Variants in SCLY observed in about 807,000 individuals in gnomAD.
The protein encoded by SCLY is putative selenocysteine lyase.
SCLY carries 38 observed loss-of-function variants against 50.1 expected under a neutral mutation model. That is an observed-to-expected ratio of 0.76 (90% CI 0.59 to 0.99). SCLY has a LOEUF of 0.99. Ranked by LOEUF, SCLY falls within the 50% of genes least tolerant of loss-of-function variation. The pLI is 0.00. For synonymous variants in SCLY, 243 were observed against 249.4 expected, an observed-to-expected ratio of 0.97 and a Z score of 0.24; for missense variants, 600 against 620.0, an observed-to-expected ratio of 0.97 and a Z score of 0.34.
At chr2:238,068,529 A>G (rs2065097649) in intron 3 of SCLY, among the ~76,000 whole-genome samples, 1 of 152,216 alleles carries the variant, frequency 6.6e-6, no homozygotes, top group Admixed American at 6.5e-5. Flanking sequence ...ATCCTGGGCA[A>G]GAGAGTGAGA....
chr2:238,086,847 C>G (rs1406252273), intron 7 of SCLY, among the ~76,000 whole-genome samples: 1 of 151,928 alleles, frequency 6.6e-6, no homozygotes, highest in East Asian at 1.9e-4. Flanking sequence ...TTGAGAAACC[C>G]CATCTCTACT....
intron 2 of SCLY, among the ~76,000 whole-genome samples, chr2:238,065,660 T>TTTTTTATTATTATTATTATTATTA (rs71402758): frequency 3.5e-5 from 5 of 143,514 alleles, no homozygotes; most frequent in South Asian, 2.2e-4. Flanking sequence ...AATATTTTAT[T>TTTTTTATTATTATTATTATTATTA]TTATTATTAT....
rs74342757 is a variant in SCLY, at chr2:238,086,624, C to T, written c.884+3270C>T. Among the ~76,000 whole-genome samples, 389 of 150,392 alleles carry T rather than the reference C, an allele frequency of 2.6e-3. 6 individuals are homozygous for T. The East Asian group carries it at 0.037, about 14-fold the overall frequency. On this transcript the variant is annotated intron_variant, in intron 7 of 11. Coordinates refer to ENST00000254663, the MANE Select transcript of SCLY (RefSeq NM_016510.7). ...AGGAGGCTGAGGGGGAAGGATCACTCGAGCCCAGAAGTTCGAGGCTGCAGT... is the reference window on the plus strand; with the variant it reads ...AGGAGGCTGAGGGGGAAGGATCACTTGAGCCCAGAAGTTCGAGGCTGCAGT...
intron 8 of SCLY, chr2:238,091,666 C>G (rs545301731): frequency 5.2e-6 from 1 of 190,640 alleles, no homozygotes; most frequent in East Asian, 1.4e-4. Context: ...CCTGCTTCTG[C>G]GACAGTAACC....
chr2:238,087,161 C>T (rs932556996), intron 7 of SCLY, among the ~76,000 whole-genome samples: 1 of 124,082 alleles, frequency 8.1e-6, no homozygotes, highest in Non-Finnish European at 1.7e-5. Flanking sequence ...CCTGTTTCTA[C>T]AAAAAAAAAA....
In SCLY at chr2:238,081,768, G is replaced by A. The variant is rs1007594480; in HGVS notation, c.544G>A (p.Ala182Thr). 13 of 1,614,060 alleles carry A rather than the reference G, an allele frequency of 8.1e-6. No homozygotes were observed. Among genetic ancestry groups the A allele is most frequent in the Admixed American group, 1.7e-5 (1 of 59,994 alleles). The change falls in exon 5 of 12, where the codon GCG becomes ACG. Residue 182 changes from alanine to threonine, a missense_variant. Physicochemically the swap from Ala to Thr is moderately conservative, Grantham distance 58. Transcript: ENST00000254663. ...GCAGGCAGAGGTGGACGACATCCTC[G>A]CGGCAGTCCGCCCGACCACACGCCT... ...SGQAEVDDIL[A>T]AVRPTTRLVT...
chr2:238,061,246 G>C, intron 1 of SCLY, 103 bp downstream of exon 1: 1 of 886,862 alleles, frequency 1.1e-6, no homozygotes, highest in Non-Finnish European at 1.8e-6. Context: ...GCTCTCGCGT[G>C]GGGCGTCCCG....
chr2:238,062,291 T>C (rs2065025622), intron 1 of SCLY, among the ~76,000 whole-genome samples: 2 of 152,102 alleles, frequency 1.3e-5, no homozygotes, highest in African/African-American at 4.8e-5. Flanking sequence ...AAAACAGATA[T>C]AAGGGCACAT....
chr2:238,065,755 A>C (rs2065065928), intron 2 of SCLY, among the ~76,000 whole-genome samples: 1 of 150,972 alleles, frequency 6.6e-6, no homozygotes, highest in Non-Finnish European at 1.5e-5. Context: ...GGTCAATGCA[A>C]CCTCCGCCTC....
At chr2:238,092,433 G>A (rs1559251383) in intron 8 of SCLY, 6 of 152,252 alleles carry the variant, frequency 3.9e-5, no homozygotes. Context: ...ATTGACCTGA[G>A]TGATGAAGTA....
intron 4 of SCLY, among the ~76,000 whole-genome samples, chr2:238,072,455 T>A (rs932301642): frequency 6.6e-6 from 1 of 152,236 alleles, no homozygotes; most frequent in Non-Finnish European, 1.5e-5. Context: ...CTGTTTAACC[T>A]TAAGCTTTGT....
At chr2:238,091,561 G>GT in intron 8 of SCLY, 43 of 302,554 alleles carry the variant, frequency 1.4e-4, no homozygotes, top group South Asian at 3.5e-4. Flanking sequence ...ATTCCCAAAG[G>GT]CGTCGGCAGC....
At position 238,082,209 on chromosome 2, in the gene SCLY, G is replaced by C. The variant is rs1279999762; in HGVS notation, c.777G>C (p.Lys259Asn). Residue 259 changes from lysine (K) to asparagine (N), a missense_variant and splice_region_variant, in exon 6 of 12, where the codon AAG (lysine) becomes AAC (asparagine). Lys to Asn is a moderately conservative substitution (Grantham distance 94). Transcript: ENST00000254663. ...ACTTCCTTACAATCGTGGGGCACAA[G>C]GTAAGTCTGCAGAGGCTTCCTGCCT... is the stretch of plus-strand genomic sequence containing the variant. ...GVDFLTIVGH[K>N]FYGPRIGALY... 6.2e-7 allele frequency: 1 copy of C among 1,600,002 alleles called. No individual in the cohort carries two copies. Among genetic ancestry groups the C allele is most frequent in the African/African-American group, 1.3e-5 (1 of 74,614 alleles).
At chr2:238,092,410 G>C (rs944586181) in intron 8 of SCLY, 1 of 152,288 alleles carries the variant, frequency 6.6e-6, no homozygotes, top group African/African-American at 2.4e-5. Context: ...AGTGGAGTCC[G>C]GTACCTGCTC....
At chr2:238,077,960 T>C (rs2065190679) in intron 4 of SCLY, among the ~76,000 whole-genome samples, 1 of 149,094 alleles carries the variant, frequency 6.7e-6, no homozygotes, top group Non-Finnish European at 1.5e-5. Flanking sequence ...TCTCTTTTTT[T>C]TTTTTTTTTT....
At position 238,083,035 on chromosome 2, in the gene SCLY, C is replaced by T; in HGVS notation, c.778-213C>T. 1 of 647,520 alleles carries T rather than the reference C, an allele frequency of 1.5e-6. No homozygotes were observed. The highest frequency in any genetic ancestry group is 3.0e-6 in the Non-Finnish European group (1 of 338,780). 40.1% of individuals were successfully genotyped at this position (647,520 alleles called of 1,614,324 possible). A position where few individuals can be genotyped will look rare whatever the true frequency, so the allele number is the denominator to read the frequency against. On this transcript the variant is annotated intron_variant, in intron 6 of 11. Coordinates refer to ENST00000254663, the MANE Select transcript of SCLY (RefSeq NM_016510.7). The surrounding 1 kb of genome is among the most constrained non-coding windows in gnomAD (Gnocchi z 4.3). Reference sequence around the variant, plus strand: ...CAGAGCTGAGCACGAGAGTCTAGCACCTGCGCTGCCTCCTAGGTTGGGGTT... The same window carrying T: ...CAGAGCTGAGCACGAGAGTCTAGCATCTGCGCTGCCTCCTAGGTTGGGGTT...
chr2:238,065,687 A>ATTATTATTATTATTATTC (rs2065064488), intron 2 of SCLY, among the ~76,000 whole-genome samples: 2 of 148,618 alleles, frequency 1.3e-5, no homozygotes, highest in African/African-American at 4.9e-5. Context: ...TATTATTATT[A>ATTATTATTATTATTATTC]TTATTTTGAG....
At chr2:238,094,243 T>C (rs988210740) in intron 9 of SCLY, 177 bp from the exon 10 acceptor site, 3 of 633,814 alleles carry the variant, frequency 4.7e-6, no homozygotes, top group African/African-American at 3.7e-5. Context: ...GAATATTTGG[T>C]TTTTCTCCTA....
rs1559255425 is a variant in SCLY at position 238,099,213 on chromosome 2, C to A, written c.*858C>A. On this transcript the variant is annotated 3_prime_UTR_variant, in exon 12 of 12. Transcript: ENST00000254663. Reference sequence around the variant, plus strand: ...GGATCATCCCTGACTCAGCTTTTACCTTAATTTTATTTGCAGAGGATTCTT... The same window carrying A: ...GGATCATCCCTGACTCAGCTTTTACATTAATTTTATTTGCAGAGGATTCTT... The A allele has an allele frequency of 2.1e-6, 1 of 471,106 alleles. No individual in the cohort carries two copies. The highest frequency in any genetic ancestry group is 2.0e-5 in the African/African-American group (1 of 50,152). 29.2% of individuals were successfully genotyped at this position (471,106 alleles called of 1,614,324 possible). A position where few individuals can be genotyped will look rare whatever the true frequency, so the allele number is the denominator to read the frequency against.
Sources: gnomAD v4.1 joint callset for allele counts (sites outside exome capture counted in the v4.1 genomes callset) on GRCh38, gnomAD v4.1.1 for gene constraint, Gnocchi (gnomAD v3.1) non-coding constraint, MANE v1.5 for transcripts, NCBI Gene and HGNC (gene_info 2026-07-23, HGNC 2026-07-21) for gene names.